The following VPS13B variants were observed in gnomAD, a reference collection of about 807,000 sequenced individuals.
The protein encoded by VPS13B is vacuolar protein sorting 13 homolog B.
A neutral mutation model predicts 426.4 loss-of-function variants in VPS13B; 285 were observed. The ratio of observed to expected loss-of-function variants is 0.67; its 90% confidence interval spans 0.61 to 0.74. The LOEUF (loss-of-function observed/expected upper bound fraction) is 0.74, where lower values mean the gene tolerates loss of function less well. Among genes scored for constraint, VPS13B ranks in the 30% least tolerant of loss-of-function variants. The pLI is 0.00. For synonymous variants in VPS13B, 1,676 were observed against 1,676.4 expected (o/e 1.00, Z 0.01); for missense variants, 4,537 against 4,782.6 (o/e 0.95, Z 1.51).
rs1813075690 is a variant in VPS13B at position 99,800,661 on chromosome 8, TGTAGAA to T, written c.7942-8713_7942-8708del. On this transcript the variant is annotated intron_variant, in intron 43 of 61. Transcript: ENST00000357162. ...ATACCCATGAAGCATCTCATTGTTT[TGTAGAA>T]AATAATTTAAATGAAAAATGCTACT... is the stretch of plus-strand genomic sequence containing the variant. Among the ~76,000 whole-genome samples, 8 of 152,288 alleles carry T rather than the reference TGTAGAA, an allele frequency of 5.3e-5. No individual in the cohort carries two copies. In the South Asian group the frequency reaches 1.7e-3, roughly 32 times the overall value.
At chr8:99,366,100 T>C (rs1473737683) in intron 19 of VPS13B, among the ~76,000 whole-genome samples, 2 of 152,170 alleles carry the variant, frequency 1.3e-5, no homozygotes, top group African/African-American at 4.8e-5. Flanking sequence ...TGTAAATATC[T>C]ATTAGGTCCA....
chr8:99,603,805 A>G (rs1827436986), intron 33 of VPS13B, among the ~76,000 whole-genome samples: 1 of 152,200 alleles, frequency 6.6e-6, no homozygotes, highest in African/African-American at 2.4e-5. Flanking sequence ...AGGTTTTGTT[A>G]ATAGGTATTT....
chr8:99,756,869 T>G (rs1467866865), intron 39 of VPS13B, among the ~76,000 whole-genome samples: 1 of 152,190 alleles, frequency 6.6e-6, no homozygotes, highest in Non-Finnish European at 1.5e-5. Context: ...TTATTTAATC[T>G]AAAAATTATT....
chr8:99,472,461 A>C (rs1819465346), intron 24 of VPS13B, among the ~76,000 whole-genome samples: 1 of 151,958 alleles, frequency 6.6e-6, no homozygotes, highest in Non-Finnish European at 1.5e-5. Context: ...TAAATAATTT[A>C]TGGAACAAAG....
At chr8:99,403,589 T>C (rs1236239864) in intron 21 of VPS13B, among the ~76,000 whole-genome samples, 1 of 152,040 alleles carries the variant, frequency 6.6e-6, no homozygotes, top group Non-Finnish European at 1.5e-5. Flanking sequence ...AGGATTTTGC[T>C]TGACTGTCTT....
intron 17 of VPS13B, among the ~76,000 whole-genome samples, chr8:99,199,769 C>T (rs533981625): frequency 7.2e-5 from 11 of 152,212 alleles, no homozygotes; most frequent in Non-Finnish European, 1.0e-4. Context: ...AGAAAAATTA[C>T]GTTCTCTTAC....
chr8:99,770,130 G>T (rs1811407744), intron 40 of VPS13B, among the ~76,000 whole-genome samples: 2 of 152,152 alleles, frequency 1.3e-5, no homozygotes, highest in South Asian at 4.1e-4. Flanking sequence ...CTGCACTCCA[G>T]CCTGGGTGAC....
At chr8:99,809,681 T>C (rs1407757412) in intron 44 of VPS13B, 151 bp downstream of exon 44, 10 of 945,858 alleles carry the variant, frequency 1.1e-5, no homozygotes, top group Non-Finnish European at 1.6e-5. Flanking sequence ...AATGCTTATC[T>C]ATGATCCTGA....
intron 33 of VPS13B, among the ~76,000 whole-genome samples, chr8:99,581,061 T>C (rs1304603662): frequency 6.6e-6 from 1 of 150,914 alleles, no homozygotes; most frequent in Non-Finnish European, 1.5e-5. Flanking sequence ...CATGTGCCTT[T>C]AGTCTCTGCT....
chr8:99,605,331 C>T (rs568015000), intron 33 of VPS13B, among the ~76,000 whole-genome samples: 5 of 152,222 alleles, frequency 3.3e-5, no homozygotes, highest in South Asian at 2.1e-4. Context: ...GTCTATGAAA[C>T]GACTAGAGAA....
intron 19 of VPS13B, among the ~76,000 whole-genome samples, chr8:99,317,011 C>T (rs1480018333): frequency 1.3e-5 from 2 of 152,194 alleles, no homozygotes; most frequent in Non-Finnish European, 2.9e-5. Context: ...GAATGCATGT[C>T]AGCTATAAGA....
chr8:99,415,283 C>T (rs1588349479), intron 21 of VPS13B, among the ~76,000 whole-genome samples: 2 of 151,884 alleles, frequency 1.3e-5, no homozygotes, highest in East Asian at 3.9e-4. Context: ...ATGTTCTTCT[C>T]TAAACTGGAT....
rs1039064545 is a variant in VPS13B at position 99,553,716 on chromosome 8, T to A, written c.4746-2734T>A. Reference sequence around the variant, plus strand: ...TTATCCTACTTTCCCCAACTGAGATTTGGAAGGTTTTGCAATTAACTTTTA... The same window carrying A: ...TTATCCTACTTTCCCCAACTGAGATATGGAAGGTTTTGCAATTAACTTTTA... On this transcript the variant is annotated intron_variant, in intron 30 of 61. Coordinates refer to ENST00000357162, the MANE Select transcript of VPS13B (RefSeq NM_152564.5). Among the ~76,000 whole-genome samples the A allele has an allele frequency of 2.0e-5, 3 of 152,062 alleles. No individual in the cohort carries two copies. In the South Asian group the frequency reaches 6.2e-4, roughly 32 times the overall value.
At chr8:99,308,191 T>C (rs879869621) in intron 19 of VPS13B, among the ~76,000 whole-genome samples, 2 of 152,132 alleles carry the variant, frequency 1.3e-5, no homozygotes, top group Admixed American at 6.6e-5. Context: ...ATTTTTTTTT[T>C]AATTACACTT....
At chr8:99,201,622 T>C (rs988746756) in intron 17 of VPS13B, among the ~76,000 whole-genome samples, 1 of 152,142 alleles carries the variant, frequency 6.6e-6, no homozygotes, top group Non-Finnish European at 1.5e-5. Context: ...TGTTTTATGA[T>C]GCTACAATAA....
intron 19 of VPS13B, among the ~76,000 whole-genome samples, chr8:99,294,899 T>C (rs1003948771): frequency 2.0e-5 from 3 of 152,178 alleles, no homozygotes; most frequent in Admixed American, 2.0e-4. Context: ...CAGATCGAAG[T>C]AAAAATAAGG....
rs369706839 is a variant in VPS13B at position 99,501,947 on chromosome 8, T to TTCTGTCTG, written c.4042+109_4042+116dup. ...CCCTCCCTTCCTTCCTTCCTTTCTT[T>TTCTGTCTG]TCTGTCTGTCTGTCTGTCTGTCTGT... On this transcript the variant is annotated intron_variant, in intron 26 of 61. Transcript: ENST00000357162. 933 of 1,289,322 alleles carry TTCTGTCTG rather than the reference T, an allele frequency of 7.2e-4. 11 individuals carry two copies. The African/African-American group carries it at 0.013, about 19-fold the overall frequency. The allele number at this position is 1,289,322 out of a possible 1,614,324, so 79.9% of individuals were successfully genotyped here.
At chr8:99,865,828 A>C (rs1817070040) in intron 58 of VPS13B, among the ~76,000 whole-genome samples, 1 of 152,234 alleles carries the variant, frequency 6.6e-6, no homozygotes, top group Non-Finnish European at 1.5e-5. Flanking sequence ...AAATTACACC[A>C]CATGGTAAAG....
At chr8:99,758,509 G>C (rs1057378692) in intron 39 of VPS13B, among the ~76,000 whole-genome samples, 5 of 152,212 alleles carry the variant, frequency 3.3e-5, no homozygotes, top group Admixed American at 2.0e-4. Context: ...AAAGGAGGTA[G>C]CATTGTTATC....
Sources: allele counts gnomAD v4.1 joint callset (sites outside exome capture counted in the v4.1 genomes callset), GRCh38; gene constraint gnomAD v4.1.1; transcripts MANE v1.5; gene names NCBI Gene and HGNC (gene_info 2026-07-23, HGNC 2026-07-21).